RBFOX1: variants seen among roughly 807,000 people sequenced by gnomAD.
The protein encoded by RBFOX1 is RNA binding protein fox-1 homolog 1.
RBFOX1 carries 8 observed loss-of-function variants against 57.7 expected under a neutral mutation model. The observed-to-expected ratio is 0.14, with a 90% CI of 0.08 to 0.25. RBFOX1 has a LOEUF of 0.25. Among genes scored for constraint, RBFOX1 ranks in the 10% least tolerant of loss-of-function variants. The pLI is 1.00. For synonymous variants in RBFOX1, 326 were observed against 222.4 expected, an observed-to-expected ratio of 1.47 and a Z score of -4.15; for missense variants, 611 against 548.5, an observed-to-expected ratio of 1.11 and a Z score of -1.14.
At chr16:7,257,500 A>C (rs1385228812) in intron 4 of RBFOX1, among the ~76,000 whole-genome samples, 2 of 152,020 alleles carry the variant, frequency 1.3e-5, no homozygotes, top group East Asian at 1.9e-4. Context: ...CCCGGGTTTC[A>C]CCTGCTTAAT....
chr16:7,201,652 T>G (rs2088526115), intron 4 of RBFOX1, among the ~76,000 whole-genome samples: 1 of 152,146 alleles, frequency 6.6e-6, no homozygotes, highest in East Asian at 1.9e-4. Context: ...TTAGCAGAGA[T>G]ATGGTTTCAC....
chr16:6,769,292 C>A lies in RBFOX1; in HGVS notation c.-16+114642C>A, dbSNP rs2077903201. ...AGACTTGCTCCTCCTTGCCTTCCACCATGACTGTGTGGCCTCCATAGCCAT... is the reference window on the plus strand; with the variant it reads ...AGACTTGCTCCTCCTTGCCTTCCACAATGACTGTGTGGCCTCCATAGCCAT... On this transcript the variant is annotated intron_variant, in intron 3 of 15. Transcript: ENST00000550418. Among the ~76,000 whole-genome samples, 6 of 152,330 alleles carry A rather than the reference C, an allele frequency of 3.9e-5. No homozygotes were observed. The South Asian group carries it at 1.2e-3, about 32-fold the overall frequency.
At chr16:5,420,880 T>TC (rs112226339) in intron 1 of RBFOX1, among the ~76,000 whole-genome samples, 68,577 of 98,548 alleles carry the variant, frequency 0.7, 22,237 homozygotes, top group East Asian at 0.82. Flanking sequence ...TCTCCCTCCC[T>TC]CCCCCTCCTC....
At chr16:5,324,759 A>G (rs1209399465) in intron 1 of RBFOX1, among the ~76,000 whole-genome samples, 3 of 152,170 alleles carry the variant, frequency 2.0e-5, no homozygotes, top group Admixed American at 2.0e-4. Flanking sequence ...TAAATGATGA[A>G]CTCACGGACA....
At chr16:6,439,472 G>T (rs781458524) in intron 2 of RBFOX1, among the ~76,000 whole-genome samples, 3 of 152,138 alleles carry the variant, frequency 2.0e-5, no homozygotes, top group Non-Finnish European at 2.9e-5. Flanking sequence ...TGGGATTGTC[G>T]AGGAATGTGG....
chr16:5,786,444 C>G (rs576345173), intron 3 of RBFOX1, among the ~76,000 whole-genome samples: 2 of 152,018 alleles, frequency 1.3e-5, no homozygotes, highest in African/African-American at 4.8e-5. Context: ...TGTGTTTATG[C>G]AGAGTTGAAA....
intron 3 of RBFOX1, among the ~76,000 whole-genome samples, chr16:6,661,203 T>G (rs2098699315): frequency 6.6e-6 from 1 of 152,188 alleles, no homozygotes; most frequent in African/African-American, 2.4e-5. Flanking sequence ...GAAGCACACA[T>G]GCAGAAAAGT....
At position 7,676,800 on chromosome 16, in the gene RBFOX1, C is replaced by G. The variant is rs1185733514; in HGVS notation, c.957C>G (p.Ala319=). The change falls in exon 14 of 16, where the codon GCC becomes GCG. Residue 319 remains alanine, a synonymous_variant. Transcript: ENST00000550418. ...IYGGYAAYRY[A]QPTPATAAAY... ...GTGGTTATGCTGCATACCGCTACGC[C>G]CAGCCTACCCCTGCCACTGCCGCTG... The G allele has an allele frequency of 1.9e-6, 3 of 1,613,256 alleles. No homozygotes were observed. Among genetic ancestry groups the G allele is most frequent in the Non-Finnish European group, 2.5e-6 (3 of 1,179,452 alleles).
intron 5 of RBFOX1, among the ~76,000 whole-genome samples, chr16:7,571,956 C>G (rs1217680163): frequency 1.3e-5 from 2 of 152,166 alleles, no homozygotes; most frequent in African/African-American, 4.8e-5. Flanking sequence ...TGATGAAACC[C>G]TGTCTCTATT....
chr16:7,278,667 C>G (rs1340346270), intron 4 of RBFOX1, among the ~76,000 whole-genome samples: 2 of 152,154 alleles, frequency 1.3e-5, no homozygotes, highest in African/African-American at 4.8e-5. Flanking sequence ...ATCAAAAAGT[C>G]TGAAGGAATT....
chr16:6,023,835 G>A (rs963559101), intron 1 of RBFOX1, among the ~76,000 whole-genome samples: 13 of 152,262 alleles, frequency 8.5e-5, no homozygotes, highest in African/African-American at 2.9e-4. Context: ...AAGAAGCCAC[G>A]AGGCTCTTCC....
At chr16:5,643,800 T>G (rs1281545150) in intron 3 of RBFOX1, among the ~76,000 whole-genome samples, 1 of 152,196 alleles carries the variant, frequency 6.6e-6, no homozygotes, top group South Asian at 2.1e-4. Context: ...TACTGTCCCC[T>G]AATCACAAGC....
At chr16:5,317,630 C>A (rs915316130) in intron 1 of RBFOX1, among the ~76,000 whole-genome samples, 1 of 152,010 alleles carries the variant, frequency 6.6e-6, no homozygotes, top group Non-Finnish European at 1.5e-5. Context: ...CAAAAAAAAG[C>A]GAACAAAAAG....
chr16:6,280,773 G>C (rs781424366), intron 1 of RBFOX1, among the ~76,000 whole-genome samples: 5 of 151,948 alleles, frequency 3.3e-5, no homozygotes, highest in Admixed American at 2.0e-4. Context: ...ACATCTGAAG[G>C]GCTCACAGCT....
chr16:7,377,559 A>C (rs2097707130), intron 4 of RBFOX1, among the ~76,000 whole-genome samples: 1 of 152,254 alleles, frequency 6.6e-6, no homozygotes, highest in Admixed American at 6.5e-5. Context: ...CTGTATTTGC[A>C]GGGCAGGAAA....
At chr16:6,380,963 C>T (rs746383851) in intron 2 of RBFOX1, among the ~76,000 whole-genome samples, 12 of 152,168 alleles carry the variant, frequency 7.9e-5, no homozygotes, top group Middle Eastern at 3.4e-3. Flanking sequence ...CTTGTCTTGG[C>T]GAGCATCTTC....
chr16:6,683,173 C>G (rs1012595802), intron 3 of RBFOX1, among the ~76,000 whole-genome samples: 5 of 152,058 alleles, frequency 3.3e-5, no homozygotes, highest in African/African-American at 1.2e-4. Context: ...ACACAGAGGA[C>G]TTACATTAAA....
Position 7,607,159 on chromosome 16 carries a change from G to A in RBFOX1, c.623-126G>A, listed in dbSNP as rs376520542. On this transcript the variant is annotated intron_variant, in intron 9 of 15. Transcript: ENST00000550418. ...TAAGTATTTTTATGCATGCCCAAAC[G>A]ACACCTCCTTTACATTTTAAAATAC... 131 of 773,750 alleles carry A rather than the reference G, an allele frequency of 1.7e-4. 1 individual carries two copies. The African/African-American group carries it at 1.8e-3, about 11-fold the overall frequency. The allele number at this position is 773,750 out of a possible 1,614,324, so 47.9% of individuals were successfully genotyped here. A position where few individuals can be genotyped will look rare whatever the true frequency, so the allele number is the denominator to read the frequency against.
At chr16:7,238,189 G>A (rs72767352) in intron 4 of RBFOX1, among the ~76,000 whole-genome samples, 1 of 152,180 alleles carries the variant, frequency 6.6e-6, no homozygotes, top group South Asian at 2.1e-4. Context: ...TGGGAGAAAA[G>A]AGGAATGGTG....
Sources: allele counts gnomAD v4.1 joint callset (sites outside exome capture counted in the v4.1 genomes callset), GRCh38; gene constraint gnomAD v4.1.1; transcripts MANE v1.5; gene names NCBI Gene and HGNC (gene_info 2026-07-23, HGNC 2026-07-21).